DSCAM: variants seen among roughly 807,000 people sequenced by gnomAD.
The protein encoded by DSCAM is cell adhesion molecule DSCAM.
Under a neutral mutation model 217.7 loss-of-function variants are expected in DSCAM, and 47 were observed. That is an observed-to-expected ratio of 0.22 (90% CI 0.17 to 0.28). DSCAM has a LOEUF of 0.28. DSCAM is among the 10% of genes least tolerant of loss of function. The pLI is 1.00. For missense variants in DSCAM, 2,080 were observed against 2,618.3 expected (o/e 0.79, Z 4.49); for synonymous variants, 1,056 against 1,015.3 (o/e 1.04, Z -0.76).
At chr21:40,076,376 G>A (rs142006677) in intron 26 of DSCAM, among the ~76,000 whole-genome samples, 2 of 152,204 alleles carry the variant, frequency 1.3e-5, no homozygotes, top group East Asian at 1.9e-4. Context: ...TCATTAAATG[G>A]AGGACTCTGA....
intron 1 of DSCAM, among the ~76,000 whole-genome samples, chr21:40,822,882 G>T (rs1161840556): frequency 6.6e-6 from 1 of 152,172 alleles, no homozygotes; most frequent in Non-Finnish European, 1.5e-5. Context: ...TGGCTCAGTG[G>T]CTCATGCCTG....
chr21:40,099,855 G>A (rs894623638), intron 20 of DSCAM, among the ~76,000 whole-genome samples: 1 of 152,158 alleles, frequency 6.6e-6, no homozygotes, highest in Admixed American at 6.5e-5. Context: ...TCTTATGGGT[G>A]GAAGAGGGCT....
At chr21:40,230,939 G>T (rs8131056) in intron 11 of DSCAM, among the ~76,000 whole-genome samples, 9 of 151,426 alleles carry the variant, frequency 5.9e-5, no homozygotes, top group Non-Finnish European at 1.3e-4. Context: ...ACCCCCACCC[G>T]GCATCCCTGC....
chr21:40,826,571 G>A (rs927863259), intron 1 of DSCAM, among the ~76,000 whole-genome samples: 3 of 152,224 alleles, frequency 2.0e-5, no homozygotes, highest in African/African-American at 4.8e-5. Flanking sequence ...AAAGGAGAAC[G>A]CAGCTTGAAG....
intron 3 of DSCAM, among the ~76,000 whole-genome samples, chr21:40,515,146 C>T (rs910537271): frequency 2.6e-5 from 4 of 152,022 alleles, no homozygotes; most frequent in Non-Finnish European, 5.9e-5. Flanking sequence ...CAAGTGTTGA[C>T]GTTCCAGATT....
intron 16 of DSCAM, among the ~76,000 whole-genome samples, chr21:40,166,953 GA>G (rs2090601234): frequency 6.7e-6 from 1 of 148,516 alleles, no homozygotes; most frequent in South Asian, 2.1e-4. Context: ...TTTCTGTAGA[GA>G]CCACTGCTTA....
At chr21:40,420,775 A>T (rs1284584484) in intron 3 of DSCAM, among the ~76,000 whole-genome samples, 4 of 152,168 alleles carry the variant, frequency 2.6e-5, no homozygotes, top group African/African-American at 7.2e-5. Flanking sequence ...ATATCAGATG[A>T]TGTTTCTACA....
chr21:40,337,075 C>T (rs372786947), intron 8 of DSCAM, among the ~76,000 whole-genome samples: 14 of 152,044 alleles, frequency 9.2e-5, no homozygotes, highest in African/African-American at 2.9e-4. Flanking sequence ...ATATATGCCC[C>T]GTAATAATAG....
chr21:40,629,435 A>G (rs746724206), intron 3 of DSCAM: 1 of 152,234 alleles, frequency 6.6e-6, no homozygotes, highest in East Asian at 1.9e-4. Context: ...GGAAGATTAC[A>G]TATCTATCAA....
At chr21:40,470,512 C>A (rs78464208) in intron 3 of DSCAM, among the ~76,000 whole-genome samples, 11,198 of 152,244 alleles carry the variant, frequency 0.074, 798 homozygotes, top group African/African-American at 0.18. Flanking sequence ...GCATTTTGAG[C>A]CCAACACGAA....
chr21:40,845,547 C>T (rs1046651556), intron 1 of DSCAM, among the ~76,000 whole-genome samples: 2 of 145,310 alleles, frequency 1.4e-5, no homozygotes, highest in African/African-American at 5.2e-5. Context: ...TCTCCTCTCT[C>T]TCTCTCTCTC....
chr21:40,021,744 T>C (rs977042304), intron 32 of DSCAM, among the ~76,000 whole-genome samples: 3 of 152,218 alleles, frequency 2.0e-5, no homozygotes, highest in Non-Finnish European at 2.9e-5. Context: ...TCTCTCTCTT[T>C]CTCTAACCAC....
chr21:40,300,084 C>T (rs868216503), intron 9 of DSCAM, among the ~76,000 whole-genome samples: 1 of 152,192 alleles, frequency 6.6e-6, no homozygotes, highest in Middle Eastern at 3.4e-3. Flanking sequence ...CCCTCTCCTT[C>T]TTCTCAGGGT....
In DSCAM at chr21:40,042,326, T is replaced by C. The variant is rs200613236; in HGVS notation, c.5686+45A>G. 3,073 of 1,587,422 alleles carry C rather than the reference T, an allele frequency of 1.9e-3. 4 individuals carry two copies. Among genetic ancestry groups the C allele is most frequent in the Non-Finnish European group, 2.5e-3 (2,868 of 1,166,528 alleles). On this transcript the variant is annotated intron_variant, in intron 32 of 32. Coordinates refer to ENST00000400454, the MANE Select transcript of DSCAM (RefSeq NM_001389.5). ...AGCAGATGAGGGAGGACCAGGAAGG[T>C]GCACTTCCCTAAGCGACGGCCCCCA... is the stretch of plus-strand genomic sequence containing the variant.
At chr21:40,611,618 T>C (rs923471584) in intron 3 of DSCAM, among the ~76,000 whole-genome samples, 3 of 152,096 alleles carry the variant, frequency 2.0e-5, no homozygotes, top group African/African-American at 7.2e-5. Flanking sequence ...TTTCACAAAG[T>C]TGGTGTCATT....
At chr21:40,398,353 C>CCCAA (rs925234591) in intron 3 of DSCAM, among the ~76,000 whole-genome samples, 1 of 152,114 alleles carries the variant, frequency 6.6e-6, no homozygotes, top group Non-Finnish European at 1.5e-5. Context: ...CCAAATGGTT[C>CCCAA]CCAACAGACC....
At chr21:40,778,721 A>C (rs2091511959) in intron 1 of DSCAM, among the ~76,000 whole-genome samples, 1 of 152,106 alleles carries the variant, frequency 6.6e-6, no homozygotes. Context: ...AGTTCAGTAT[A>C]TCAAAAATCA....
At chr21:40,268,642 T>G (rs2073573096) in intron 11 of DSCAM, among the ~76,000 whole-genome samples, 1 of 151,926 alleles carries the variant, frequency 6.6e-6, no homozygotes, top group Admixed American at 6.6e-5. Context: ...AAACATAAGA[T>G]TTTTACTGGC....
At position 40,575,581 on chromosome 21, in the gene DSCAM, T is replaced by C. The variant is rs765234738; in HGVS notation, c.508+117229A>G. On this transcript the variant is annotated intron_variant, in intron 3 of 32. Coordinates refer to ENST00000400454, the MANE Select transcript of DSCAM (RefSeq NM_001389.5). ...AATAATATTGTAAGAATCAGATAAA[T>C]AGATGGAGGGAAATAAACCTTGAGT... Among the ~76,000 whole-genome samples, 117 of 152,070 alleles carry C rather than the reference T, an allele frequency of 7.7e-4. 2 individuals are homozygous for C. The highest frequency in any genetic ancestry group is 2.0e-4 in the Admixed American group (3 of 15,270).
Sources: gnomAD v4.1 joint callset for allele counts (sites outside exome capture counted in the v4.1 genomes callset) on GRCh38, gnomAD v4.1.1 for gene constraint, MANE v1.5 for transcripts, NCBI Gene and HGNC (gene_info 2026-07-23, HGNC 2026-07-21) for gene names.